The following FUT7 variants were observed in gnomAD, a reference collection of about 807,000 sequenced individuals.
FUT7 encodes the protein alpha-(1,3)-fucosyltransferase 7.
Under a neutral mutation model 5.0 loss-of-function variants are expected in FUT7, and 2 were observed. The observed-to-expected ratio is 0.40, with a 90% CI of 0.16 to 1.26. The LOEUF (loss-of-function observed/expected upper bound fraction) is 1.26, where lower values mean the gene tolerates loss of function less well. Among genes scored for constraint, FUT7 ranks in the 50% most tolerant of loss-of-function variants. The pLI is 0.32. For missense variants in FUT7, 461 were observed against 489.8 expected (o/e 0.94, Z 0.55); for synonymous variants, 218 against 210.6 (o/e 1.03, Z -0.30).
In FUT7 at chr9:137,030,947, G is replaced by A. The variant is rs1385640088; in HGVS notation, c.792C>T (p.Ala264=). The change falls in exon 2 of 2, where the codon GCC becomes GCT. Residue 264 remains alanine (A), a synonymous_variant. Transcript: ENST00000314412. ...VLGPPRATYE[A]FVPADAFVHV... ...GCACGAAGGCGTCAGCCGGCACGAA[G>A]GCCTCATAGGTGGCCCGTGGGGGCC... 10 of 1,612,842 alleles carry A rather than the reference G, an allele frequency of 6.2e-6. No individual in the cohort carries two copies. In the East Asian group the frequency reaches 2.2e-4, roughly 36 times the overall value.
Position 137,030,693 on chromosome 9 carries a change from C to T in FUT7, c.*17G>A. 15 of 1,612,278 alleles carry T rather than the reference C, an allele frequency of 9.3e-6. No individual in the cohort carries two copies. Among genetic ancestry groups the T allele is most frequent in the Non-Finnish European group, 1.3e-5 (15 of 1,179,696 alleles). ...CCAGCCCTTCCACCCACACCCACCT[C>T]CCCCGGCCAGCGGATCTCAGGCCTG... On this transcript the variant is annotated 3_prime_UTR_variant, in exon 2 of 2. Coordinates refer to ENST00000314412, the MANE Select transcript of FUT7 (RefSeq NM_004479.4).
At position 137,030,524 on chromosome 9, in the gene FUT7, A is replaced by G. The variant is rs1241777333; in HGVS notation, c.*186T>C. ...CCGTCTGCCGCAGCAGGCACCCGTT[A>G]CCTCCCTCCCACTCTCACCTCCTCT... On this transcript the variant is annotated 3_prime_UTR_variant, in exon 2 of 2. Coordinates refer to ENST00000314412, the MANE Select transcript of FUT7 (RefSeq NM_004479.4). The G allele has an allele frequency of 3.0e-6, 2 of 663,712 alleles. No individual in the cohort carries two copies. Among genetic ancestry groups the G allele is most frequent in the Non-Finnish European group, 5.2e-6 (2 of 384,086 alleles). 41.1% of individuals were successfully genotyped at this position (663,712 alleles called of 1,614,324 possible).
rs143524124 is a variant in FUT7, at chr9:137,030,912, T to C, written c.827A>G (p.Asp276Gly). Residue 276 changes from aspartate (D) to glycine (G), a missense_variant, in exon 2 of 2, where the codon GAC (aspartate) becomes GGC (glycine). By Grantham distance (94) the Asp-to-Gly change is moderately conservative. Coordinates refer to ENST00000314412, the MANE Select transcript of FUT7 (RefSeq NM_004479.4). ...VPADAFVHVD[D>G]FGSARELAAF... is the part of the protein sequence containing the mutation. The stretch of plus-strand genomic sequence containing the variant: ...CGCCAGCTCTCGGGCTGAGCCAAAG[T>C]CATCCACATGCACGAAGGCGTCAGC... The C allele has an allele frequency of 1.9e-6, 3 of 1,612,644 alleles. No individual in the cohort carries two copies. The highest frequency in any genetic ancestry group is 1.7e-5 in the Admixed American group (1 of 60,008).
chr9:137,031,292 G>A lies in FUT7; in HGVS notation c.447C>T (p.Ile149=), dbSNP rs1052864839. 6.2e-7 allele frequency: 1 copy of A among 1,607,510 alleles called. No individual in the cohort carries two copies. Among genetic ancestry groups the A allele is most frequent in the Non-Finnish European group, 8.5e-7 (1 of 1,178,380 alleles). ...GCTCCAGGCGGCCATAGGGCACAAAGATGTCCGAGTCGCGCCGGTAGCTCA... is the reference window on the plus strand; with the variant it reads ...GCTCCAGGCGGCCATAGGGCACAAAAATGTCCGAGTCGCGCCGGTAGCTCA... ...WVLSYRRDSD[I]FVPYGRLEPH... The change falls in exon 2 of 2, where the codon ATC becomes ATT. Residue 149 remains isoleucine, a synonymous_variant. Transcript: ENST00000314412.
In FUT7 at chr9:137,030,410, G is replaced by A. The variant is rs1179965354; in HGVS notation, c.*300C>T. 1.1e-5 allele frequency: 5 copies of A among 442,390 alleles called. No individual in the cohort carries two copies. Among genetic ancestry groups the A allele is most frequent in the Non-Finnish European group, 4.2e-6 (1 of 237,738 alleles). 27.4% of individuals were successfully genotyped at this position (442,390 alleles called of 1,614,324 possible). ...AGGCTGGGGTGCCCCCCAGCCCCAA[G>A]GGCCCTGCCTTTCACCCTCTTCCAG... On this transcript the variant is annotated 3_prime_UTR_variant, in exon 2 of 2. Transcript: ENST00000314412.
At position 137,030,824 on chromosome 9, in the gene FUT7, G is replaced by A; in HGVS notation, c.915C>T (p.Leu305=). The A allele has an allele frequency of 6.2e-7, 1 of 1,612,822 alleles. No homozygotes were observed. The highest frequency in any genetic ancestry group is 8.5e-7 in the Non-Finnish European group (1 of 1,179,990). ...GCCAGTCGGTGAACAGTCGCACGCG[G>A]AGCCTGTCACGCCAGGCAAAGAAGC... ...YQRFFAWRDR[L]RVRLFTDWRE... is the part of the protein sequence containing the mutation. The change falls in exon 2 of 2, where the codon CTC becomes CTT. Residue 305 remains leucine, a synonymous_variant. Transcript: ENST00000314412.
Position 137,030,644 on chromosome 9 carries a change from T to C in FUT7, c.*66A>G. The C allele has an allele frequency of 1.3e-6, 2 of 1,583,234 alleles. No homozygotes were observed. Among genetic ancestry groups the C allele is most frequent in the Non-Finnish European group, 1.7e-6 (2 of 1,158,560 alleles). On this transcript the variant is annotated 3_prime_UTR_variant, in exon 2 of 2. Coordinates refer to ENST00000314412, the MANE Select transcript of FUT7 (RefSeq NM_004479.4). ...CCGCTGCTTGCCGGTAAGGGCCGGA[T>C]GCCTGGTGGTTTGATTTCGACACCC...
Position 137,030,571 on chromosome 9 carries a change from C to T in FUT7, c.*139G>A. 1.0e-6 allele frequency: 1 copy of T among 995,196 alleles called. No homozygotes were observed. The highest frequency in any genetic ancestry group is 1.5e-6 in the Non-Finnish European group (1 of 661,190). 61.6% of individuals were successfully genotyped at this position (995,196 alleles called of 1,614,324 possible). A position where few individuals can be genotyped will look rare whatever the true frequency, so the allele number is the denominator to read the frequency against. The stretch of plus-strand genomic sequence containing the variant: ...CTCTGCATGCTCCAGTGCCCACCTG[C>T]ACCCCCCACCCCTGCTTCCTGACCT... On this transcript the variant is annotated 3_prime_UTR_variant, in exon 2 of 2. Coordinates refer to ENST00000314412, the MANE Select transcript of FUT7 (RefSeq NM_004479.4).
At chr9:137,031,911 C>A in intron 1 of FUT7, 68 bp downstream of exon 1, 1 of 1,576,176 alleles carries the variant, frequency 6.3e-7, no homozygotes, top group Non-Finnish European at 8.7e-7. Context: ...TCAGCGCCAC[C>A]CCCGTCCTCC....
rs1588539699 is a variant in FUT7, at chr9:137,031,685, C to A, written c.54G>T (p.Leu18=). The A allele has an allele frequency of 3.9e-6, 6 of 1,550,160 alleles. No homozygotes were observed. The highest frequency in any genetic ancestry group is 5.2e-6 in the Non-Finnish European group (6 of 1,148,340). ...GGGCAGCGAGCAGAGCCACCCCGGC[C>A]AGGACCCCCAAGCCTCGCAGCCTCC... is the stretch of plus-strand genomic sequence containing the variant. ...PTRRLRGLGV[L]AGVALLAALW... Residue 18 remains leucine, a synonymous_variant, in exon 2 of 2, where the codon CTG becomes CTT. Transcript: ENST00000314412.
chr9:137,030,550 G>T lies in FUT7; in HGVS notation c.*160C>A. ...CCTCCCTCCCACTCTCACCTCCTCT[G>T]CATGCTCCAGTGCCCACCTGCACCC... On this transcript the variant is annotated 3_prime_UTR_variant, in exon 2 of 2. Coordinates refer to ENST00000314412, the MANE Select transcript of FUT7 (RefSeq NM_004479.4). The T allele has an allele frequency of 1.2e-6, 1 of 811,332 alleles. No individual in the cohort carries two copies. The highest frequency in any genetic ancestry group is 2.0e-6 in the Non-Finnish European group (1 of 502,868). 50.3% of individuals were successfully genotyped at this position (811,332 alleles called of 1,614,324 possible).
At chr9:137,031,806 C>T (rs1831862659) in intron 1 of FUT7, 81 bp from the exon 2 acceptor site, 18 of 1,514,624 alleles carry the variant, frequency 1.2e-5, no homozygotes, top group Non-Finnish European at 1.5e-5. Context: ...CAACCCCGTC[C>T]TCCCCTCCCA....
At chr9:137,031,855 C>T in intron 1 of FUT7, 124 bp downstream of exon 1, 1 of 1,455,778 alleles carries the variant, frequency 6.9e-7, no homozygotes, top group Admixed American at 1.8e-5. Flanking sequence ...TCAGCGCCAC[C>T]CCCGTCCTCC....
Position 137,030,906 on chromosome 9 carries a change from C to T in FUT7, c.833G>A (p.Gly278Asp). 1 of 1,612,806 alleles carries T rather than the reference C, an allele frequency of 6.2e-7. No individual in the cohort carries two copies. The highest frequency in any genetic ancestry group is 1.7e-5 in the Admixed American group (1 of 60,026). ...ADAFVHVDDFGSARELAAFLT... is the reference protein window; with the variant it reads ...ADAFVHVDDFDSARELAAFLT... ...GAAAGCCGCCAGCTCTCGGGCTGAG[C>T]CAAAGTCATCCACATGCACGAAGGC... The change falls in exon 2 of 2, where the codon GGC (glycine) becomes GAC (aspartate). Residue 278 changes from glycine (G) to aspartate (D), a missense_variant. Transcript: ENST00000314412.
In FUT7 at chr9:137,031,803, G is replaced by A. The variant is rs1378369280; in HGVS notation, c.14-78C>T. 3.0e-5 allele frequency: 46 copies of A among 1,515,864 alleles called. No individual in the cohort carries two copies. The East Asian group carries it at 9.3e-4, about 31-fold the overall frequency. 93.9% of individuals were successfully genotyped at this position (1,515,864 alleles called of 1,614,324 possible). On this transcript the variant is annotated intron_variant, in intron 1 of 1. Transcript: ENST00000314412. Reference sequence around the variant, plus strand: ...ACACGCCCCACTCAGCGCCAACCCCGTCCTCCCCTCCCATGGGCTCAGGGA... The same window carrying A: ...ACACGCCCCACTCAGCGCCAACCCCATCCTCCCCTCCCATGGGCTCAGGGA...
chr9:137,031,213 C>T lies in FUT7; in HGVS notation c.526G>A (p.Val176Met), dbSNP rs1831846661. The change falls in exon 2 of 2, where the codon GTG becomes ATG. Residue 176 changes from valine (V) to methionine (M), a missense_variant. By Grantham distance (21) the Val-to-Met change is conservative. Coordinates refer to ENST00000314412, the MANE Select transcript of FUT7 (RefSeq NM_004479.4). The part of the protein sequence containing the change: ...LPAKSRVAAW[V>M]VSNFQERQLR... ...TGCCGCTCCTGGAAGTTGCTGACCACCCAGGCGGCCACCCTGCTCTTGGCT... is the reference window on the plus strand; with the variant it reads ...TGCCGCTCCTGGAAGTTGCTGACCATCCAGGCGGCCACCCTGCTCTTGGCT... 1 of 1,609,596 alleles carries T rather than the reference C, an allele frequency of 6.2e-7. No homozygotes were observed. The highest frequency in any genetic ancestry group is 8.5e-7 in the Non-Finnish European group (1 of 1,178,680).
chr9:137,031,025 CGTAAT>C lies in FUT7; in HGVS notation c.709_713del (p.Ile237GlyfsTer25). On this transcript the variant is annotated frameshift_variant, in exon 2 of 2. Transcript: ENST00000314412. LOFTEE classifies it low-confidence loss of function (END_TRUNC). ...CCAGTGCGTTGCGCCAGAATTTCTC[CGTAAT>C]GTAGTCGCGGTGCTGAGAGTTCTCA... 1 of 1,612,886 alleles carries C rather than the reference CGTAAT, an allele frequency of 6.2e-7. No homozygotes were observed. Among genetic ancestry groups the C allele is most frequent in the Non-Finnish European group, 8.5e-7 (1 of 1,180,016 alleles).
Position 137,031,260 on chromosome 9 carries a change from C to T in FUT7, c.479G>A (p.Trp160Ter). The T allele has an allele frequency of 1.2e-6, 2 of 1,608,178 alleles. No homozygotes were observed. Among genetic ancestry groups the T allele is most frequent in the Non-Finnish European group, 1.7e-6 (2 of 1,178,710 alleles). ...GGCTGGCAGCGGTGGCGAGGGCCCC[C>T]AGTGGGGCTCCAGGCGGCCATAGGG... ...FVPYGRLEPH[W>*]GPSPPLPAKS... The change falls in exon 2 of 2, where the codon TGG becomes TAG. Residue 160 changes from tryptophan to a stop codon, truncating the protein, a stop_gained. Transcript: ENST00000314412. LOFTEE classifies it low-confidence loss of function (END_TRUNC).
rs569765135 is a variant in FUT7 at position 137,030,641 on chromosome 9, G to A, written c.*69C>T. ...AGCCCGCTGCTTGCCGGTAAGGGCCGGATGCCTGGTGGTTTGATTTCGACA... is the reference window on the plus strand; with the variant it reads ...AGCCCGCTGCTTGCCGGTAAGGGCCAGATGCCTGGTGGTTTGATTTCGACA... On this transcript the variant is annotated 3_prime_UTR_variant, in exon 2 of 2. Transcript: ENST00000314412. 262 of 1,575,880 alleles carry A rather than the reference G, an allele frequency of 1.7e-4. No individual in the cohort carries two copies. In the African/African-American group the frequency reaches 2.1e-3, roughly 13 times the overall value.
Sources: gnomAD v4.1 joint callset for allele counts on GRCh38, gnomAD v4.1.1 for gene constraint, MANE v1.5 for transcripts, NCBI Gene and HGNC (gene_info 2026-07-23, HGNC 2026-07-21) for gene names.